PPP3R1: variants seen among roughly 807,000 people sequenced by gnomAD.
PPP3R1 encodes the protein calcineurin subunit B type 1.
In PPP3R1, 5 loss-of-function variants were observed where a neutral mutation model predicts 22.6. The observed-to-expected ratio is 0.22, with a 90% CI of 0.12 to 0.46. PPP3R1 has a LOEUF of 0.46. Among genes scored for constraint, PPP3R1 ranks in the 20% least tolerant of loss-of-function variants. The pLI is 0.99. For synonymous variants in PPP3R1, 56 were observed against 65.2 expected, an observed-to-expected ratio of 0.86 and a Z score of 0.68; for missense variants, 61 against 203.2, an observed-to-expected ratio of 0.30 and a Z score of 4.25.
chr2:68,239,894 C>T (rs959449840), intron 1 of PPP3R1, among the ~76,000 whole-genome samples: 2 of 152,092 alleles, frequency 1.3e-5, no homozygotes, highest in Non-Finnish European at 2.9e-5. Flanking sequence ...TAACTTAAAG[C>T]GGTTGATTTT....
chr2:68,248,864 C>A (rs1166830506), intron 1 of PPP3R1, among the ~76,000 whole-genome samples: 1 of 152,178 alleles, frequency 6.6e-6, no homozygotes, highest in African/African-American at 2.4e-5. Context: ...TCATATGACA[C>A]TCATCACATG....
intron 2 of PPP3R1, among the ~76,000 whole-genome samples, chr2:68,208,943 T>TA (rs1479893229): frequency 7.4e-5 from 11 of 149,298 alleles, no homozygotes; most frequent in South Asian, 6.4e-4. Context: ...TTTTTTAATT[T>TA]AAAAAAAATC....
intron 2 of PPP3R1, among the ~76,000 whole-genome samples, chr2:68,202,292 T>C (rs1173887684): frequency 6.6e-6 from 1 of 152,252 alleles, no homozygotes; most frequent in Non-Finnish European, 1.5e-5. Flanking sequence ...GAGATTACTA[T>C]ATGTCATGAA....
intron 2 of PPP3R1, among the ~76,000 whole-genome samples, chr2:68,195,955 T>C (rs1440992572): frequency 6.6e-6 from 1 of 151,850 alleles, no homozygotes; most frequent in Non-Finnish European, 1.5e-5. Context: ...ATCCCAACTA[T>C]ACGTACTATT....
rs535196502 is a variant in PPP3R1, at chr2:68,222,409, T to A, written c.4-5278A>T. ...TATCCAGCTAAACATTATTTCTGAG[T>A]GAGAGTCAGCTAGGCTGTTTGTGGA... is the stretch of plus-strand genomic sequence containing the variant. On this transcript the variant is annotated intron_variant, in intron 1 of 5. Transcript: ENST00000234310. Among the ~76,000 whole-genome samples the A allele has an allele frequency of 1.1e-4, 17 of 152,284 alleles. No individual in the cohort carries two copies. In the East Asian group the frequency reaches 2.9e-3, roughly 26 times the overall value.
intron 2 of PPP3R1, among the ~76,000 whole-genome samples, chr2:68,207,449 T>C (rs1035552444): frequency 2.6e-5 from 4 of 152,128 alleles, no homozygotes; most frequent in Non-Finnish European, 5.9e-5. Context: ...TAACAGTGTA[T>C]GAAATCTTAT....
Position 68,180,933 on chromosome 2 carries a change from A to T in PPP3R1, c.*30T>A. ...ATCTTCAGAGATGGAGAAGAAAGCAAAAGTGTTGGGTGGTACTCTCTGATA... is the reference window on the plus strand; with the variant it reads ...ATCTTCAGAGATGGAGAAGAAAGCATAAGTGTTGGGTGGTACTCTCTGATA... On this transcript the variant is annotated 3_prime_UTR_variant, in exon 6 of 6. Transcript: ENST00000234310. 1 of 1,599,108 alleles carries T rather than the reference A, an allele frequency of 6.3e-7. No individual in the cohort carries two copies. Among genetic ancestry groups the T allele is most frequent in the Non-Finnish European group, 8.6e-7 (1 of 1,166,810 alleles).
intron 2 of PPP3R1, among the ~76,000 whole-genome samples, chr2:68,195,652 T>C (rs765688789): frequency 9.2e-5 from 14 of 152,144 alleles, no homozygotes; most frequent in Non-Finnish European, 1.8e-4. Context: ...AAATTTCTTT[T>C]CCCGTCTTTC....
chr2:68,211,135 G>A (rs1018022793), intron 2 of PPP3R1, among the ~76,000 whole-genome samples: 2 of 152,168 alleles, frequency 1.3e-5, no homozygotes, highest in South Asian at 2.1e-4. Context: ...GGCTGGGCGC[G>A]GTGGCTCACG....
intron 1 of PPP3R1, among the ~76,000 whole-genome samples, chr2:68,230,011 C>CACACACACACACACACAT (rs1421392496): frequency 5.8e-4 from 81 of 139,642 alleles, no homozygotes; most frequent in African/African-American, 1.8e-3. Flanking sequence ...CACACACACA[C>CACACACACACACACACAT]ATATATATTT....
At chr2:68,188,898 A>C (rs1323375744) in intron 2 of PPP3R1, among the ~76,000 whole-genome samples, 1 of 152,216 alleles carries the variant, frequency 6.6e-6, no homozygotes, top group Non-Finnish European at 1.5e-5. Context: ...AGTACAGCAT[A>C]AATACTTGTA....
chr2:68,190,228 C>T (rs1429963782), intron 2 of PPP3R1, among the ~76,000 whole-genome samples: 1 of 100,202 alleles, frequency 1.0e-5, no homozygotes, highest in Admixed American at 1.3e-4. Context: ...GGATTTTTCA[C>T]AGTAAAGGAT....
At position 68,180,745 on chromosome 2, in the gene PPP3R1, T is replaced by C; in HGVS notation, c.*218A>G. ...ACCACATTGATATGCTCTTTTCATGTTGCTGTCCTTCAGACTTTAAAGTGC... is the reference window on the plus strand; with the variant it reads ...ACCACATTGATATGCTCTTTTCATGCTGCTGTCCTTCAGACTTTAAAGTGC... On this transcript the variant is annotated 3_prime_UTR_variant, in exon 6 of 6. Transcript: ENST00000234310. The C allele has an allele frequency of 2.0e-6, 1 of 497,654 alleles. No homozygotes were observed. Among genetic ancestry groups the C allele is most frequent in the Non-Finnish European group, 3.6e-6 (1 of 280,268 alleles). 30.8% of individuals were successfully genotyped at this position (497,654 alleles called of 1,614,324 possible). A position where few individuals can be genotyped will look rare whatever the true frequency, so the allele number is the denominator to read the frequency against.
chr2:68,202,792 ATTTTTTTTTTTTT>A (rs71395958), intron 2 of PPP3R1, among the ~76,000 whole-genome samples: 3 of 81,228 alleles, frequency 3.7e-5, no homozygotes, highest in Non-Finnish European at 6.3e-5. Context: ...AGTTCAGGGA[ATTTTTTTTTTTTT>A]TTTTTTTTTT....
intron 1 of PPP3R1, among the ~76,000 whole-genome samples, chr2:68,249,729 G>A (rs7594568): frequency 0.75 from 112,093 of 149,986 alleles, 42,652 homozygotes; most frequent in African/African-American, 0.93. Context: ...TAACTTTCAG[G>A]AAAAAAAAAA....
chr2:68,185,484 T>C (rs991574051), intron 5 of PPP3R1, among the ~76,000 whole-genome samples: 2 of 147,888 alleles, frequency 1.4e-5, no homozygotes, highest in African/African-American at 4.9e-5. Context: ...ATATGTAAAA[T>C]ATACATAAGA....
intron 5 of PPP3R1, among the ~76,000 whole-genome samples, chr2:68,182,070 A>ACCC (rs1674417139): frequency 4.4e-5 from 2 of 45,174 alleles, no homozygotes; most frequent in Non-Finnish European, 7.3e-5. Context: ...CCCCTCCTCC[A>ACCC]ACCCCCCCCT....
chr2:68,235,428 C>T (rs552593456), intron 1 of PPP3R1, among the ~76,000 whole-genome samples: 126 of 152,114 alleles, frequency 8.3e-4, no homozygotes, highest in Non-Finnish European at 1.5e-3. Context: ...TACATATTTG[C>T]CTATTCTGGA....
intron 1 of PPP3R1, among the ~76,000 whole-genome samples, chr2:68,246,657 T>C (rs916656205): frequency 2.0e-5 from 3 of 152,194 alleles, no homozygotes; most frequent in African/African-American, 7.2e-5. Flanking sequence ...CATCATGCTA[T>C]GCTGCTCATT....
Sources: allele counts gnomAD v4.1 joint callset (sites outside exome capture counted in the v4.1 genomes callset), GRCh38; gene constraint gnomAD v4.1.1; transcripts MANE v1.5; gene names NCBI Gene and HGNC (gene_info 2026-07-23, HGNC 2026-07-21).